Variants in RIC8B observed in about 807,000 individuals in gnomAD.
The protein encoded by RIC8B is chaperone Ric-8B.
Under a neutral mutation model 57.5 loss-of-function variants are expected in RIC8B, and 16 were observed. The observed-to-expected ratio is 0.28, with a 90% CI of 0.19 to 0.42. RIC8B has a LOEUF of 0.42. RIC8B is among the 10% of genes least tolerant of loss of function. The pLI, the probability that RIC8B is intolerant of heterozygous loss-of-function variation, is 1.00. For missense variants in RIC8B, 481 were observed against 677.0 expected, an observed-to-expected ratio of 0.71 and a Z score of 3.21; for synonymous variants, 216 against 250.8, an observed-to-expected ratio of 0.86 and a Z score of 1.31.
chr12:106,779,815 G>A (rs1175484578), intron 1 of RIC8B, among the ~76,000 whole-genome samples: 3 of 146,904 alleles, frequency 2.0e-5, no homozygotes, highest in South Asian at 2.2e-4. Context: ...GGGGAATTAT[G>A]TATCATTCCA....
chr12:106,780,677 G>A (rs1235353360), intron 1 of RIC8B, among the ~76,000 whole-genome samples: 1 of 152,168 alleles, frequency 6.6e-6, no homozygotes, highest in Non-Finnish European at 1.5e-5. Context: ...CTAATTTTTA[G>A]TTGTAGAAGC....
At chr12:106,854,519 G>A (rs544291417) in intron 7 of RIC8B, among the ~76,000 whole-genome samples, 15 of 152,196 alleles carry the variant, frequency 9.9e-5, no homozygotes, top group Admixed American at 7.2e-4. Flanking sequence ...GGGGCCAGGC[G>A]CGGTGGCTCA....
intron 4 of RIC8B, among the ~76,000 whole-genome samples, chr12:106,834,389 A>G (rs1321476742): frequency 6.6e-6 from 1 of 152,240 alleles, no homozygotes; most frequent in African/African-American, 2.4e-5. Flanking sequence ...GTTTAGTTAA[A>G]ACTGGATATA....
chr12:106,853,541 T>C (rs1949578658), intron 7 of RIC8B, among the ~76,000 whole-genome samples: 1 of 135,362 alleles, frequency 7.4e-6, no homozygotes, highest in South Asian at 2.6e-4. Flanking sequence ...CAATCTCGGC[T>C]CACTGCAACC....
intron 9 of RIC8B, among the ~76,000 whole-genome samples, chr12:106,876,201 A>G (rs1285106229): frequency 1.3e-5 from 2 of 152,150 alleles, no homozygotes; most frequent in Non-Finnish European, 2.9e-5. Context: ...AGCACTTGAA[A>G]TGTGGTTAGT....
intron 2 of RIC8B, among the ~76,000 whole-genome samples, chr12:106,809,048 C>A (rs753156397): frequency 1.3e-5 from 2 of 151,752 alleles, no homozygotes; most frequent in Non-Finnish European, 2.9e-5. Context: ...TTTTAATGCA[C>A]GGTGTGGAGG....
intron 9 of RIC8B, among the ~76,000 whole-genome samples, chr12:106,876,307 T>C (rs575874899): frequency 1.3e-5 from 2 of 152,234 alleles, no homozygotes; most frequent in South Asian, 4.1e-4. Flanking sequence ...TTAATATAGG[T>C]TACATATGGA....
intron 1 of RIC8B, chr12:106,775,475 C>A: frequency 2.5e-6 from 1 of 401,428 alleles, no homozygotes. Flanking sequence ...ATTTGTATCG[C>A]ATTAACAGCT....
chr12:106,779,635 A>G (rs1005819191), intron 1 of RIC8B, among the ~76,000 whole-genome samples: 4 of 150,736 alleles, frequency 2.7e-5, no homozygotes, highest in Non-Finnish European at 5.9e-5. Context: ...GCCAAGAAGA[A>G]AAAAAAAAGC....
At chr12:106,877,184 C>T (rs1426390370) in intron 9 of RIC8B, among the ~76,000 whole-genome samples, 2 of 151,964 alleles carry the variant, frequency 1.3e-5, no homozygotes, top group Admixed American at 1.3e-4. Flanking sequence ...AAAATGCTTC[C>T]ATATACGTTA....
At chr12:106,819,674 C>G (rs980327041) in intron 3 of RIC8B, among the ~76,000 whole-genome samples, 3 of 147,644 alleles carry the variant, frequency 2.0e-5, no homozygotes, top group Non-Finnish European at 4.4e-5. Flanking sequence ...GTGGGAGGAT[C>G]ACTTGAGCCC....
intron 2 of RIC8B, among the ~76,000 whole-genome samples, chr12:106,807,481 T>C (rs1202251351): frequency 6.6e-6 from 1 of 152,192 alleles, no homozygotes; most frequent in African/African-American, 2.4e-5. Context: ...TTTTAGGCTA[T>C]AGAAGGGGAT....
chr12:106,785,054 T>TA (rs1470184764), intron 2 of RIC8B, among the ~76,000 whole-genome samples: 1 of 152,220 alleles, frequency 6.6e-6, no homozygotes, highest in African/African-American at 2.4e-5. Flanking sequence ...TCCTTAGCCT[T>TA]AAAACCCTTC....
intron 2 of RIC8B, 66 bp from the exon 3 acceptor site, chr12:106,814,630 G>T: frequency 6.8e-7 from 1 of 1,480,080 alleles, no homozygotes; most frequent in African/African-American, 1.4e-5. Flanking sequence ...CATTGGCAGA[G>T]AAACATTCTG....
chr12:106,842,555 G>T (rs1393022705), intron 4 of RIC8B, 34 bp from the exon 5 acceptor site: 2 of 1,517,940 alleles, frequency 1.3e-6, no homozygotes. Context: ...ATTCAATCAA[G>T]TTAAAATATT....
chr12:106,810,473 GC>G (rs994066127), intron 2 of RIC8B, among the ~76,000 whole-genome samples: 2 of 152,174 alleles, frequency 1.3e-5, no homozygotes, highest in African/African-American at 2.4e-5. Context: ...GGACGGATGT[GC>G]TAAGCACCAA....
At chr12:106,806,537 A>T (rs1224300682) in intron 2 of RIC8B, among the ~76,000 whole-genome samples, 1 of 152,084 alleles carries the variant, frequency 6.6e-6, no homozygotes. Flanking sequence ...TTTGTAACTT[A>T]AGAATGCCTT....
chr12:106,837,118 C>T (rs2046637127), intron 4 of RIC8B, among the ~76,000 whole-genome samples: 1 of 152,244 alleles, frequency 6.6e-6, no homozygotes, highest in Non-Finnish European at 1.5e-5. Flanking sequence ...AATCCCAGCA[C>T]TTTGGGAGGC....
chr12:106,785,030 A>G (rs909297655), intron 2 of RIC8B, among the ~76,000 whole-genome samples: 2 of 152,224 alleles, frequency 1.3e-5, no homozygotes, highest in Non-Finnish European at 2.9e-5. Context: ...CAAAATAACA[A>G]TCTGACCATG....
Sources: allele counts gnomAD v4.1 joint callset (sites outside exome capture counted in the v4.1 genomes callset), GRCh38; gene constraint gnomAD v4.1.1; transcripts MANE v1.5; gene names NCBI Gene and HGNC (gene_info 2026-07-23, HGNC 2026-07-21).